COL19A1: variants seen among roughly 807,000 people sequenced by gnomAD.
COL19A1 encodes collagen type XIX alpha 1 chain.
Under a neutral mutation model 190.2 loss-of-function variants are expected in COL19A1, and 159 were observed. The ratio of observed to expected loss-of-function variants is 0.84; its 90% CI spans 0.73 to 0.95. COL19A1 has a LOEUF of 0.95. Ranked by LOEUF, COL19A1 falls within the 40% of genes least tolerant of loss-of-function variation. The pLI is 0.00. For missense variants in COL19A1, 1,418 were observed against 1,431.9 expected (o/e 0.99, Z 0.16); for synonymous variants, 509 against 458.9 (o/e 1.11, Z -1.39).
intron 11 of COL19A1, among the ~76,000 whole-genome samples, chr6:70,018,418 A>G (rs1226227582): frequency 6.6e-6 from 1 of 152,084 alleles, no homozygotes; most frequent in Admixed American, 6.6e-5. Flanking sequence ...AGTCTACCCA[A>G]TTGTATATTT....
At chr6:69,989,610 G>A (rs1017186563) in intron 11 of COL19A1, among the ~76,000 whole-genome samples, 3 of 139,322 alleles carry the variant, frequency 2.2e-5, no homozygotes, top group African/African-American at 6.2e-5. Context: ...TTTATGTGTG[G>A]CCCAAGATAA....
intron 1 of COL19A1, among the ~76,000 whole-genome samples, chr6:69,875,001 C>T (rs1768053259): frequency 6.6e-6 from 1 of 152,116 alleles, no homozygotes; most frequent in Admixed American, 6.5e-5. Context: ...ACCTAGGATA[C>T]AGTGATGGAC....
chr6:69,887,799 A>G (rs1215056412), intron 2 of COL19A1, among the ~76,000 whole-genome samples: 1 of 152,146 alleles, frequency 6.6e-6, no homozygotes, highest in Non-Finnish European at 1.5e-5. Context: ...AACTCTCACT[A>G]GGCCAGAGTC....
chr6:70,164,112 T>C (rs943912701), intron 36 of COL19A1, among the ~76,000 whole-genome samples: 1 of 152,178 alleles, frequency 6.6e-6, no homozygotes, highest in Non-Finnish European at 1.5e-5. Context: ...CGAGAAGTTC[T>C]GTCCCTAGAC....
chr6:69,909,276 A>G (rs1000800081), intron 4 of COL19A1, among the ~76,000 whole-genome samples: 4 of 152,138 alleles, frequency 2.6e-5, no homozygotes, highest in Admixed American at 6.5e-5. Flanking sequence ...AGGACAGAAC[A>G]TTAGTAAAGA....
At chr6:70,002,565 A>ATAG (rs1300640197) in intron 11 of COL19A1, among the ~76,000 whole-genome samples, 2 of 151,350 alleles carry the variant, frequency 1.3e-5, no homozygotes, top group Non-Finnish European at 2.9e-5. Flanking sequence ...TGGTCTATTC[A>ATAG]TCCTGGTTTA....
rs534765210 is a variant in COL19A1, at chr6:70,211,571, T to A, written c.*4297T>A. On this transcript the variant is annotated 3_prime_UTR_variant, in exon 51 of 51. Coordinates refer to ENST00000620364, the MANE Select transcript of COL19A1 (RefSeq NM_001858.6). ...ATTGAATTTGTATCTTGTATGCCTA[T>A]GTAATTCAAAGTGACTTAGTCCATT... 6.7e-6 allele frequency among the ~76,000 whole-genome samples: 1 copy of A among 149,592 alleles called. No individual in the cohort carries two copies. The highest frequency in any genetic ancestry group is 1.5e-5 in the Non-Finnish European group (1 of 67,546).
chr6:69,877,806 G>A (rs1460184048), intron 1 of COL19A1, among the ~76,000 whole-genome samples: 1 of 151,932 alleles, frequency 6.6e-6, no homozygotes, highest in Admixed American at 6.6e-5. Context: ...AGATCACGAG[G>A]TCAGGAGTTC....
In COL19A1 at chr6:70,149,772, A is replaced by G. The variant is rs768535325; in HGVS notation, c.1929+33A>G. On this transcript the variant is annotated intron_variant, in intron 28 of 50. Transcript: ENST00000620364. ...ATTTAACTAATTTTTTAGCACAGCAAAGCCAGCTTGCTTACTTGGGGGAAA... is the reference window on the plus strand; with the variant it reads ...ATTTAACTAATTTTTTAGCACAGCAGAGCCAGCTTGCTTACTTGGGGGAAA... 6.2e-6 allele frequency: 10 copies of G among 1,613,498 alleles called. No individual in the cohort carries two copies. The South Asian group carries it at 1.1e-4, about 18-fold the overall frequency.
rs201683915 is a variant in COL19A1 at position 69,903,268 on chromosome 6, C to T, written c.266+2930C>T. Among the ~76,000 whole-genome samples the T allele has an allele frequency of 3.0e-4, 45 of 152,290 alleles. No individual in the cohort carries two copies. The East Asian group carries it at 7.1e-3, about 24-fold the overall frequency. ...GGCAGCAGCAGTCCTCTGGCTAGAC[C>T]TATCTGTATACCATGCCCCATCAGG... On this transcript the variant is annotated intron_variant, in intron 4 of 50. Coordinates refer to ENST00000620364, the MANE Select transcript of COL19A1 (RefSeq NM_001858.6).
At chr6:70,163,616 T>A (rs1203599202) in intron 36 of COL19A1, among the ~76,000 whole-genome samples, 1 of 152,174 alleles carries the variant, frequency 6.6e-6, no homozygotes, top group Non-Finnish European at 1.5e-5. Flanking sequence ...AGAATATTGG[T>A]TCCATAAAAC....
intron 9 of COL19A1, among the ~76,000 whole-genome samples, chr6:69,942,732 T>TTG (rs1289844940): frequency 1.5e-4 from 19 of 123,438 alleles, no homozygotes; most frequent in East Asian, 1.4e-3. Context: ...TGTCATTCCA[T>TTG]TGTGTGTATG....
intron 4 of COL19A1, among the ~76,000 whole-genome samples, chr6:69,902,289 A>G (rs1770241007): frequency 6.6e-6 from 1 of 152,192 alleles, no homozygotes; most frequent in African/African-American, 2.4e-5. Flanking sequence ...TCAGCATGGG[A>G]AAAGGCAGAT....
intron 16 of COL19A1, among the ~76,000 whole-genome samples, chr6:70,115,390 T>C (rs1340333226): frequency 6.6e-6 from 1 of 152,192 alleles, no homozygotes; most frequent in Non-Finnish European, 1.5e-5. Context: ...AATAAGATAA[T>C]GCATTTTACA....
intron 11 of COL19A1, among the ~76,000 whole-genome samples, chr6:69,974,901 C>T (rs1238812439): frequency 6.6e-6 from 1 of 150,510 alleles, no homozygotes; most frequent in Non-Finnish European, 1.5e-5. Context: ...CAAGCTCCAC[C>T]TCCCGAGTTC....
At chr6:70,147,655 T>G (rs1328463543) in intron 27 of COL19A1, among the ~76,000 whole-genome samples, 2 of 151,888 alleles carry the variant, frequency 1.3e-5, no homozygotes, top group African/African-American at 4.8e-5. Flanking sequence ...CTGTGTGGGG[T>G]TTTTTTTCCC....
At chr6:69,958,963 A>G (rs1774600389) in intron 9 of COL19A1, among the ~76,000 whole-genome samples, 1 of 152,252 alleles carries the variant, frequency 6.6e-6, no homozygotes, top group Non-Finnish European at 1.5e-5. Context: ...TATCTTATAA[A>G]TTAATTGTAA....
At chr6:69,971,608 A>T (rs56059453) in intron 11 of COL19A1, among the ~76,000 whole-genome samples, 2 of 152,218 alleles carry the variant, frequency 1.3e-5, no homozygotes, top group South Asian at 4.1e-4. Context: ...GGACTAGTTC[A>T]CTAATACAGA....
intron 4 of COL19A1, among the ~76,000 whole-genome samples, chr6:69,906,500 G>A (rs1171883662): frequency 6.6e-6 from 1 of 152,134 alleles, no homozygotes; most frequent in East Asian, 1.9e-4. Context: ...CATATCTATA[G>A]CCTCTCTGAA....
Sources: gnomAD v4.1 joint callset for allele counts (sites outside exome capture counted in the v4.1 genomes callset) on GRCh38, gnomAD v4.1.1 for gene constraint, MANE v1.5 for transcripts, NCBI Gene and HGNC (gene_info 2026-07-23, HGNC 2026-07-21) for gene names.